Variants in TP53I11 observed in about 807,000 individuals in gnomAD.
The protein encoded by TP53I11 is tumor protein p53 inducible protein 11, also known as tumor protein p53-inducible protein 11.
TP53I11 carries 9 observed loss-of-function variants against 23.3 expected under a neutral mutation model. The observed-to-expected ratio is 0.39, with a 90% CI of 0.23 to 0.67. The LOEUF is 0.67. TP53I11 is among the 30% of genes least tolerant of loss of function. TP53I11 has a pLI of 0.48. For missense variants in TP53I11, 170 were observed against 255.2 expected (o/e 0.67, Z 2.27); for synonymous variants, 100 against 106.1 (o/e 0.94, Z 0.35).
chr11:44,943,715 C>T (rs983611246), intron 1 of TP53I11, among the ~76,000 whole-genome samples: 1 of 152,212 alleles, frequency 6.6e-6, no homozygotes, highest in African/African-American at 2.4e-5. Context: ...TCAGTGTCTG[C>T]AGCCACTGGC....
Position 44,933,543 on chromosome 11 carries a change from G to A in TP53I11, c.*1341C>T, listed in dbSNP as rs1860771330. The A allele has an allele frequency of 6.4e-6, 1 of 155,568 alleles. No individual in the cohort carries two copies. Among genetic ancestry groups the A allele is most frequent in the Non-Finnish European group, 1.4e-5 (1 of 70,204 alleles). The allele number at this position is 155,568 out of a possible 1,614,324, so 9.6% of individuals were successfully genotyped here. A position where few individuals can be genotyped will look rare whatever the true frequency, so the allele number is the denominator to read the frequency against. ...CGGGGTGTACAGCACAGGCTGGTGGGCCCTCAGGGAGAAGCTGGGCGGTGG... is the reference window on the plus strand; with the variant it reads ...CGGGGTGTACAGCACAGGCTGGTGGACCCTCAGGGAGAAGCTGGGCGGTGG... On this transcript the variant is annotated 3_prime_UTR_variant, in exon 7 of 7. Coordinates refer to ENST00000525680, the MANE Select transcript of TP53I11 (RefSeq NM_006034.5).
Position 44,936,138 on chromosome 11 carries a change from ATACTTTTTAG to A in TP53I11, c.335-486_335-477del. ...GTCCCCTGGGGGAGGGGGATGAACC[ATACTTTTTAG>A]CAGAAGACCACTGACTTGGCCTCTA... On this transcript the variant is annotated intron_variant, in intron 5 of 6. Coordinates refer to ENST00000525680, the MANE Select transcript of TP53I11 (RefSeq NM_006034.5). The surrounding 1 kb of genome is among the most constrained non-coding windows in gnomAD (Gnocchi z 4.4). 1.2e-6 allele frequency: 1 copy of A among 866,170 alleles called. No homozygotes were observed. Among genetic ancestry groups the A allele is most frequent in the Non-Finnish European group, 1.4e-6 (1 of 714,194 alleles). The allele number at this position is 866,170 out of a possible 1,614,324, so 53.7% of individuals were successfully genotyped here. A position where few individuals can be genotyped will look rare whatever the true frequency, so the allele number is the denominator to read the frequency against.
At chr11:44,938,069 T>C (rs12419970) in intron 2 of TP53I11, 138 bp downstream of exon 2, 367,986 of 1,245,260 alleles carry the variant, frequency 0.3, 60,378 homozygotes, top group Non-Finnish European at 0.33. Context: ...TCCCCTGGCA[T>C]TGCTGTTACA....
chr11:44,938,146 C>T (rs1261170642), intron 2 of TP53I11, 61 bp downstream of exon 2: 16 of 1,552,522 alleles, frequency 1.0e-5, no homozygotes, highest in Non-Finnish European at 1.4e-5. Context: ...ACCTTCTCCC[C>T]TAATGGTGGG....
chr11:44,949,258 C>T (rs1269925007), intron 1 of TP53I11, among the ~76,000 whole-genome samples: 3 of 152,160 alleles, frequency 2.0e-5, no homozygotes, highest in Non-Finnish European at 4.4e-5. Context: ...CAAAACGACC[C>T]CCGCGTCCCT....
rs1230227453 is a variant in TP53I11 at position 44,936,725 on chromosome 11, C to T, written c.334+78G>A. ...AAAGGAAGGGGTGCCCGGGCACGGA[C>T]CCCCGTGCTCTCCTCAGCCCCGCTG... On this transcript the variant is annotated intron_variant, in intron 5 of 6. Coordinates refer to ENST00000525680, the MANE Select transcript of TP53I11 (RefSeq NM_006034.5). This position sits in a 1 kb window ranked among gnomAD's most constrained non-coding sequence, Gnocchi z 4.4. 4 of 1,366,196 alleles carry T rather than the reference C, an allele frequency of 2.9e-6. No individual in the cohort carries two copies. The highest frequency in any genetic ancestry group is 2.8e-4 in the Middle Eastern group (1 of 3,598). The allele number at this position is 1,366,196 out of a possible 1,614,324, so 84.6% of individuals were successfully genotyped here.
intron 1 of TP53I11, among the ~76,000 whole-genome samples, chr11:44,944,373 G>T (rs1488169417): frequency 6.6e-6 from 1 of 152,202 alleles, no homozygotes; most frequent in East Asian, 1.9e-4. Context: ...GTGATTGAAT[G>T]AATGAGTCGG....
intron 1 of TP53I11, chr11:44,940,543 G>A (rs1861646256): frequency 6.6e-6 from 1 of 151,988 alleles, no homozygotes; most frequent in Non-Finnish European, 1.5e-5. Flanking sequence ...TCATTGAGCA[G>A]AATGCCTTTG....
intron 6 of TP53I11, 110 bp downstream of exon 6, chr11:44,935,450 GC>G: frequency 1.0e-6 from 1 of 963,220 alleles, no homozygotes; most frequent in Non-Finnish European, 1.6e-6. Flanking sequence ...CCCCTCCCTA[GC>G]CCCCCACAGA....
intron 1 of TP53I11, among the ~76,000 whole-genome samples, chr11:44,942,129 A>G (rs1861873597): frequency 6.9e-6 from 1 of 144,700 alleles, no homozygotes; most frequent in Admixed American, 6.8e-5. Flanking sequence ...CGCCACACAA[A>G]CCCACCACAC....
In TP53I11 at chr11:44,934,707, G is replaced by A; in HGVS notation, c.*177C>T. 1 of 813,246 alleles carries A rather than the reference G, an allele frequency of 1.2e-6. No homozygotes were observed. The highest frequency in any genetic ancestry group is 1.7e-5 in the African/African-American group (1 of 57,734). The allele number at this position is 813,246 out of a possible 1,614,324, so 50.4% of individuals were successfully genotyped here. A position where few individuals can be genotyped will look rare whatever the true frequency, so the allele number is the denominator to read the frequency against. ...CCAGCATGTCAAGCCTGAAAGCCCA[G>A]GAGATCACAGCACACGGGGTGCCCA... On this transcript the variant is annotated 3_prime_UTR_variant, in exon 7 of 7. Coordinates refer to ENST00000525680, the MANE Select transcript of TP53I11 (RefSeq NM_006034.5).
chr11:44,949,611 G>A lies in TP53I11; in HGVS notation c.-32+1066C>T, dbSNP rs188331533. 2.5e-3 allele frequency among the ~76,000 whole-genome samples: 377 copies of A among 152,174 alleles called. 9 individuals carry two copies. The East Asian group carries it at 0.044, about 18-fold the overall frequency. On this transcript the variant is annotated intron_variant, in intron 1 of 6. Transcript: ENST00000525680. ...TCAGGGCGAAGGAAGGTAGAGCGAG[G>A]GGACCCAAGGCGAGCGCCCCGCCCC...
At chr11:44,935,732 G>T in intron 5 of TP53I11, 70 bp from the exon 6 acceptor site, 3 of 1,118,012 alleles carry the variant, frequency 2.7e-6, no homozygotes, top group Non-Finnish European at 4.0e-6. Context: ...CAGGAGGACT[G>T]CTCCTGCTTC....
At position 44,949,359 on chromosome 11, in the gene TP53I11, G is replaced by A. The variant is rs981378313; in HGVS notation, c.-32+1318C>T. On this transcript the variant is annotated intron_variant, in intron 1 of 6. Transcript: ENST00000525680. Reference sequence around the variant, plus strand: ...CCACATAGTTGGGGTGGGCAGCCCCGGTGACTTCTCCCCGCAGGCCCGCCC... The same window carrying A: ...CCACATAGTTGGGGTGGGCAGCCCCAGTGACTTCTCCCCGCAGGCCCGCCC... 2.6e-5 allele frequency among the ~76,000 whole-genome samples: 4 copies of A among 152,092 alleles called. No individual in the cohort carries two copies. In the East Asian group the frequency reaches 7.8e-4, roughly 30 times the overall value.
chr11:44,935,790 C>T (rs762249920), intron 5 of TP53I11, 128 bp from the exon 6 acceptor site: 45 of 653,300 alleles, frequency 6.9e-5, no homozygotes, highest in African/African-American at 1.4e-4. Context: ...TCCACGCCTC[C>T]GCCCCTATTC....
chr11:44,942,208 G>GCACACACACCCACCA (rs59033354), intron 1 of TP53I11, among the ~76,000 whole-genome samples: 1 of 89,820 alleles, frequency 1.1e-5, no homozygotes, highest in Non-Finnish European at 2.3e-5. Context: ...TACCCACCAC[G>GCACACACACCCACCA]CACACACACC....
intron 1 of TP53I11, chr11:44,950,025 G>A (rs1303806559): frequency 6.6e-6 from 1 of 152,286 alleles, no homozygotes. Flanking sequence ...GGTGAGCTCC[G>A]AGCCGTTAGG....
At chr11:44,949,813 G>T (rs897944706) in intron 1 of TP53I11, among the ~76,000 whole-genome samples, 1 of 152,184 alleles carries the variant, frequency 6.6e-6, no homozygotes, top group Admixed American at 6.5e-5. Flanking sequence ...GGGGAGAGTG[G>T]GGGGCGTCTC....
chr11:44,939,958 C>T (rs1229698791), intron 1 of TP53I11, among the ~76,000 whole-genome samples: 1 of 152,252 alleles, frequency 6.6e-6, no homozygotes, highest in Admixed American at 6.5e-5. Context: ...CCGGTTAATG[C>T]TTCGGTGTGT....
Sources: allele counts gnomAD v4.1 joint callset (sites outside exome capture counted in the v4.1 genomes callset), GRCh38; gene constraint gnomAD v4.1.1; non-coding constraint Gnocchi (gnomAD v3.1); transcripts MANE v1.5; gene names NCBI Gene and HGNC (gene_info 2026-07-23, HGNC 2026-07-21).